Variants in SLC25A28 observed in about 807,000 individuals in gnomAD.
SLC25A28 encodes mitoferrin-2.
In SLC25A28, 10 loss-of-function variants were observed where a neutral mutation model predicts 31.9. The ratio of observed to expected loss-of-function variants is 0.31; its 90% CI spans 0.19 to 0.53. SLC25A28 has a LOEUF of 0.53. Among genes scored for constraint, SLC25A28 ranks in the 20% least tolerant of loss-of-function variants. The pLI is 0.95. For missense variants in SLC25A28, 256 were observed against 490.3 expected, an observed-to-expected ratio of 0.52 and a Z score of 4.51; for synonymous variants, 208 against 203.6, an observed-to-expected ratio of 1.02 and a Z score of -0.19.
At chr10:99,620,532 C>A (rs2034768282), upstream of SLC25A28, 9 of 1,031,642 alleles carry the variant, frequency 8.7e-6, no homozygotes, top group South Asian at 4.1e-4. Context: ...TCCTTACGTA[C>A]GAAAAATCAG....
At chr10:99,623,448 C>T (rs1041060126), upstream of SLC25A28, among the ~76,000 whole-genome samples, 1 of 152,196 alleles carries the variant, frequency 6.6e-6, no homozygotes, top group South Asian at 2.1e-4. Flanking sequence ...TGGAGTCTTC[C>T]TTGACTGCCC....
At chr10:99,644,646 G>A in the SLC25A28 span, among the ~76,000 whole-genome samples, 2 of 152,294 alleles carry the variant, frequency 1.3e-5, no homozygotes, top group Non-Finnish European at 2.9e-5. Context: ...TTTCTTCCTA[G>A]CATCAATGGT....
the SLC25A28 span, among the ~76,000 whole-genome samples, chr10:99,644,380 G>A: frequency 1.2e-4 from 18 of 152,132 alleles, no homozygotes; most frequent in Admixed American, 7.2e-4. Flanking sequence ...CAGAGACTAG[G>A]ATTGCAACCC....
rs560901177 is a variant in SLC25A28 at position 99,613,418 on chromosome 10, G to C, written c.520+278C>G. Reference sequence around the variant, plus strand: ...AGTTCAGTGTGTCTCCACATTACCAGGGCATTAGAAGTTGATGCCAGGGAG... The same window carrying C: ...AGTTCAGTGTGTCTCCACATTACCACGGCATTAGAAGTTGATGCCAGGGAG... On this transcript the variant is annotated intron_variant, in intron 2 of 3. Transcript: ENST00000370495. The surrounding 1 kb of genome is among the most constrained non-coding windows in gnomAD (Gnocchi z 4.9). The C allele has an allele frequency of 3.5e-4, 467 of 1,327,366 alleles. No homozygotes were observed. Among genetic ancestry groups the C allele is most frequent in the Non-Finnish European group, 4.2e-4 (437 of 1,032,804 alleles). 82.2% of individuals were successfully genotyped at this position (1,327,366 alleles called of 1,614,324 possible).
In SLC25A28 at chr10:99,620,087, C is replaced by A; in HGVS notation, c.249G>T (p.Gly83=). The change falls in exon 1 of 4, where the codon GGG becomes GGT. Residue 83 remains glycine, a synonymous_variant. Coordinates refer to ENST00000370495, the MANE Select transcript of SLC25A28 (RefSeq NM_031212.4). ...TTHMVAGAVA[G]ILEHCVMYPI... is the part of the protein sequence containing the mutation. ...GGTACATCACGCAGTGCTCCAGGAT[C>A]CCTGCCACGGCGCCTGCCACCATGT... The A allele has an allele frequency of 6.3e-7, 1 of 1,581,508 alleles. No homozygotes were observed. Among genetic ancestry groups the A allele is most frequent in the Non-Finnish European group, 8.5e-7 (1 of 1,171,116 alleles).
At chr10:99,628,745 C>T in the SLC25A28 span, among the ~76,000 whole-genome samples, 6 of 152,110 alleles carry the variant, frequency 3.9e-5, no homozygotes, top group South Asian at 4.1e-4. Flanking sequence ...CGTTTGAACC[C>T]GGGAGGCAGA....
the SLC25A28 span, among the ~76,000 whole-genome samples, chr10:99,637,273 T>C: frequency 6.6e-6 from 1 of 152,164 alleles, no homozygotes; most frequent in Non-Finnish European, 1.5e-5. Flanking sequence ...AAAATCAGCA[T>C]ACATGGGACA....
chr10:99,620,245 C>G lies in SLC25A28; in HGVS notation c.91G>C (p.Gly31Arg). 7.7e-7 allele frequency: 1 copy of G among 1,305,198 alleles called. No individual in the cohort carries two copies. The allele number at this position is 1,305,198 out of a possible 1,614,324, so 80.9% of individuals were successfully genotyped here. ...CGGCCCACGCCCCGCTGCAGCCACC[C>G]GTCCAGCAGCGCCGACTCCCCGGGG... ...RSPGESALLDGWLQRGVGRGA... is the reference protein window; with the variant it reads ...RSPGESALLDRWLQRGVGRGA... The change falls in exon 1 of 4, where the codon GGG becomes CGG. Residue 31 changes from glycine (G) to arginine (R), a missense_variant. Around this residue, in one of 4 missense-constraint regions of SLC25A28, gnomAD observed 47 missense variants for 41.4 expected, o/e 1.14. Coordinates refer to ENST00000370495, the MANE Select transcript of SLC25A28 (RefSeq NM_031212.4).
At chr10:99,628,457 A>T in the SLC25A28 span, among the ~76,000 whole-genome samples, 1 of 152,262 alleles carries the variant, frequency 6.6e-6, no homozygotes, top group African/African-American at 2.4e-5. Flanking sequence ...TTGCAGTAAA[A>T]ACGTTTTCAT....
At chr10:99,639,585 C>T in the SLC25A28 span, among the ~76,000 whole-genome samples, 1 of 152,028 alleles carries the variant, frequency 6.6e-6, no homozygotes, top group African/African-American at 2.4e-5. Context: ...CAAGCTTGAT[C>T]CACTAGGTAA....
chr10:99,616,697 G>A (rs1287064241), intron 1 of SLC25A28: 1 of 985,254 alleles, frequency 1.0e-6, no homozygotes, highest in Non-Finnish European at 1.2e-6. Context: ...TGCCTTGCCT[G>A]GTTCTTGTAA....
rs1252120107 is a variant in SLC25A28 at position 99,616,867 on chromosome 10, T to C, written c.292-2943A>G. On this transcript the variant is annotated intron_variant, in intron 1 of 3. Transcript: ENST00000370495. ...TGAAAATGGTTTCTACTTCATGAAG[T>C]TGCTTCACAGATTAAATGAATAAAT... is the stretch of plus-strand genomic sequence containing the variant. 3 of 924,958 alleles carry C rather than the reference T, an allele frequency of 3.2e-6. No individual in the cohort carries two copies. In the African/African-American group the frequency reaches 5.4e-5, roughly 17 times the overall value. The allele number at this position is 924,958 out of a possible 1,614,324, so 57.3% of individuals were successfully genotyped here. A position where few individuals can be genotyped will look rare whatever the true frequency, so the allele number is the denominator to read the frequency against.
rs762791295 is a variant in SLC25A28 at position 99,610,950 on chromosome 10, C to T, written c.994G>A (p.Val332Ile). The T allele has an allele frequency of 2.0e-5, 32 of 1,614,244 alleles. No individual in the cohort carries two copies. Among genetic ancestry groups the T allele is most frequent in the Non-Finnish European group, 2.7e-5 (32 of 1,180,048 alleles). ...GCTGTGGAGGGGATCTGGTAAATTA[C>T]TCTGGCCTGCACCCCTCGGAAATAG... ...TAYFRGVQAR[V>I]IYQIPSTAIA... The change falls in exon 4 of 4, where the codon GTA becomes ATA. Residue 332 changes from valine to isoleucine, a missense_variant. Coordinates refer to ENST00000370495, the MANE Select transcript of SLC25A28 (RefSeq NM_031212.4).
At chr10:99,627,601 C>T in the SLC25A28 span, among the ~76,000 whole-genome samples, 9 of 152,022 alleles carry the variant, frequency 5.9e-5, no homozygotes, top group Admixed American at 1.3e-4. Context: ...CTAATACATC[C>T]GGCTAATTTT....
At chr10:99,617,311 C>T (rs2034681166) in intron 1 of SLC25A28, 1 of 985,314 alleles carries the variant, frequency 1.0e-6, no homozygotes, top group Non-Finnish European at 1.2e-6. Context: ...CATGATCCAG[C>T]AAGGCTACAC....
chr10:99,634,226 AC>A, the SLC25A28 span, among the ~76,000 whole-genome samples: 3 of 152,054 alleles, frequency 2.0e-5, no homozygotes, highest in African/African-American at 7.3e-5. Flanking sequence ...TGGTAATATG[AC>A]AAAACAAGGC....
intron 3 of SLC25A28, 87 bp downstream of exon 3, chr10:99,612,456 C>A: frequency 6.7e-7 from 1 of 1,481,546 alleles, no homozygotes; most frequent in South Asian, 1.2e-5. Flanking sequence ...ACAGAATTTC[C>A]CACCAAAACT....
At chr10:99,640,894 T>C in the SLC25A28 span, among the ~76,000 whole-genome samples, 4 of 152,152 alleles carry the variant, frequency 2.6e-5, no homozygotes, top group Non-Finnish European at 5.9e-5. Context: ...AGGACATGAA[T>C]TCATCATTTT....
chr10:99,623,116 A>G (rs1266165722), upstream of SLC25A28, among the ~76,000 whole-genome samples: 1 of 152,244 alleles, frequency 6.6e-6, no homozygotes, highest in Admixed American at 6.5e-5. Flanking sequence ...TCTGAATGAT[A>G]GGCAGGAGCC....
Sources: gnomAD v4.1 joint callset for allele counts (sites outside exome capture counted in the v4.1 genomes callset) on GRCh38, gnomAD v4.1.1 for gene constraint, gnomAD v4.1.1 regional missense constraint, Gnocchi (gnomAD v3.1) non-coding constraint, MANE v1.5 for transcripts, NCBI Gene and HGNC (gene_info 2026-07-23, HGNC 2026-07-21) for gene names.